Variants in SLC26A3 observed in about 807,000 individuals in gnomAD.
The protein encoded by SLC26A3 is chloride anion exchanger.
Under a neutral mutation model 85.6 loss-of-function variants are expected in SLC26A3, and 64 were observed. The ratio of observed to expected loss-of-function variants is 0.75; its 90% CI spans 0.61 to 0.92. The LOEUF is 0.92. Ranked by LOEUF, SLC26A3 falls within the 40% of genes least tolerant of loss-of-function variation. The pLI is 0.00. For synonymous variants in SLC26A3, 349 were observed against 336.0 expected (o/e 1.04, Z -0.42); for missense variants, 922 against 927.3 (o/e 0.99, Z 0.07).
chr7:107,783,471 G>A lies in SLC26A3; in HGVS notation c.972-119C>T, dbSNP rs978556919. ...TGAGTTGTGTCTCACTTTGGAGTAT[G>A]ATTAACGAGAATTTAGCTCCACTAA... On this transcript the variant is annotated intron_variant, in intron 8 of 20. Transcript: ENST00000340010. 8 of 1,202,752 alleles carry A rather than the reference G, an allele frequency of 6.7e-6. No individual in the cohort carries two copies. In the African/African-American group the frequency reaches 1.1e-4, roughly 16 times the overall value. 74.5% of individuals were successfully genotyped at this position (1,202,752 alleles called of 1,614,324 possible).
intron 5 of SLC26A3, among the ~76,000 whole-genome samples, chr7:107,790,490 C>T (rs954054033): frequency 1.3e-5 from 2 of 152,154 alleles, no homozygotes; most frequent in African/African-American, 2.4e-5. Flanking sequence ...TAAACTTAGG[C>T]AACATCTCAA....
intron 6 of SLC26A3, 121 bp downstream of exon 6, chr7:107,789,403 A>G (rs1794354309): frequency 9.9e-7 from 1 of 1,007,410 alleles, no homozygotes; most frequent in Non-Finnish European, 1.5e-6. Flanking sequence ...CTTTTTTAAT[A>G]TGAAAAAATT....
intron 11 of SLC26A3, among the ~76,000 whole-genome samples, chr7:107,780,627 T>A (rs10263826): frequency 2.4e-4 from 37 of 152,110 alleles, no homozygotes; most frequent in African/African-American, 8.9e-4. Flanking sequence ...AAAAGCCAAA[T>A]ACAGTTTTTA....
chr7:107,798,157 TACATAGACAC>T (rs1794541975), intron 1 of SLC26A3, among the ~76,000 whole-genome samples: 1 of 152,092 alleles, frequency 6.6e-6, no homozygotes, highest in Admixed American at 6.5e-5. Context: ...ATATATTACA[TACATAGACAC>T]ACACATGAAG....
chr7:107,778,236 C>T lies in SLC26A3; in HGVS notation c.1453G>A (p.Gly485Arg), dbSNP rs760086563. ...GCCACACTAGCTGCCAGGCCTAACC[C>T]GAGTCCCAGGACAATGGTGAAGATG... ...TFIFTIVLGLGLGLAASVAFQ... is the reference protein window; with the variant it reads ...TFIFTIVLGLRLGLAASVAFQ... Residue 485 changes from glycine (G) to arginine (R), a missense_variant, in exon 13 of 21, where the codon GGG becomes AGG. By Grantham distance (125) the Gly-to-Arg change is moderately radical. Transcript: ENST00000340010. 1.1e-5 allele frequency: 17 copies of T among 1,613,802 alleles called. No individual in the cohort carries two copies. Among genetic ancestry groups the T allele is most frequent in the African/African-American group, 2.7e-5 (2 of 74,884 alleles).
At chr7:107,770,038 C>CTTTCTTTCTT (rs1554377142) in intron 18 of SLC26A3, among the ~76,000 whole-genome samples, 51 of 76,398 alleles carry the variant, frequency 6.7e-4, no homozygotes, top group Non-Finnish European at 1.1e-3. Flanking sequence ...TTCTTTCTTT[C>CTTTCTTTCTT]TTTCTTTCTT....
At chr7:107,783,149 G>A (rs978671457) in intron 9 of SLC26A3, 56 bp from the exon 10 acceptor site, 59 of 1,612,810 alleles carry the variant, frequency 3.7e-5, no homozygotes, top group Non-Finnish European at 9.3e-6. Flanking sequence ...GATATTATGT[G>A]TGCAAAATAT....
intron 16 of SLC26A3, 85 bp downstream of exon 16, chr7:107,774,692 C>T: frequency 1.0e-6 from 1 of 982,500 alleles, no homozygotes; most frequent in Non-Finnish European, 1.6e-6. Flanking sequence ...TCTGGCATTT[C>T]ATTTAAAGGA....
At chr7:107,784,811 T>G (rs191166161) in intron 8 of SLC26A3, among the ~76,000 whole-genome samples, 1 of 152,322 alleles carries the variant, frequency 6.6e-6, no homozygotes. Context: ...AAACACAAAG[T>G]GCCTGTTAGC....
Position 107,773,920 on chromosome 7 carries a change from C to G in SLC26A3, c.2007G>C (p.Ser669=), listed in dbSNP as rs754283736. Residue 669 remains serine (S), a splice_region_variant and synonymous_variant, in exon 17 of 21, where the codon TCG becomes TCC. Transcript: ENST00000340010. ...TTTCCATTAAGAACAAAGAAATTAC[C>G]GATTTAAGGCCCCTCACTGAAGAAA... The part of the protein sequence containing the change: ...LDVSSVRGLK[S]ILQEFIRIKV... 6.2e-7 allele frequency: 1 copy of G among 1,607,190 alleles called. No homozygotes were observed. Among genetic ancestry groups the G allele is most frequent in the Admixed American group, 1.7e-5 (1 of 59,972 alleles).
chr7:107,773,449 AAG>A (rs1374761368), intron 17 of SLC26A3, among the ~76,000 whole-genome samples: 3 of 152,198 alleles, frequency 2.0e-5, no homozygotes, highest in African/African-American at 7.2e-5. Context: ...ATGCCCTTTC[AAG>A]AGTCCACTGA....
intron 11 of SLC26A3, among the ~76,000 whole-genome samples, chr7:107,782,064 G>T (rs1383147294): frequency 1.3e-5 from 2 of 152,008 alleles, no homozygotes; most frequent in Non-Finnish European, 2.9e-5. Context: ...TAAGTAATTT[G>T]CCCAAAATCA....
chr7:107,776,383 A>G lies in SLC26A3; in HGVS notation c.1677+69T>C, dbSNP rs900379674. ...ACAACCCAGTCTCAACAATGACCTT[A>G]CAGAACAATGACATTCCCAGAATTC... On this transcript the variant is annotated intron_variant, in intron 15 of 20. Coordinates refer to ENST00000340010, the MANE Select transcript of SLC26A3 (RefSeq NM_000111.3). 1.3e-4 allele frequency: 169 copies of G among 1,270,330 alleles called. 3 individuals are homozygous for G. In the South Asian group the frequency reaches 1.8e-3, roughly 14 times the overall value. 78.7% of individuals were successfully genotyped at this position (1,270,330 alleles called of 1,614,324 possible). A position where few individuals can be genotyped will look rare whatever the true frequency, so the allele number is the denominator to read the frequency against.
At chr7:107,775,329 A>G (rs1463690202) in intron 15 of SLC26A3, among the ~76,000 whole-genome samples, 2 of 152,070 alleles carry the variant, frequency 1.3e-5, no homozygotes, top group Non-Finnish European at 2.9e-5. Flanking sequence ...TAATTTTAGT[A>G]TTATATTTGA....
At chr7:107,784,662 C>T (rs1462114195) in intron 8 of SLC26A3, among the ~76,000 whole-genome samples, 1 of 152,168 alleles carries the variant, frequency 6.6e-6, no homozygotes, top group Non-Finnish European at 1.5e-5. Flanking sequence ...GAACTCCTGA[C>T]CACAAGTGAT....
chr7:107,797,574 C>G (rs1279352320), intron 1 of SLC26A3, among the ~76,000 whole-genome samples: 1 of 152,020 alleles, frequency 6.6e-6, no homozygotes, highest in Non-Finnish European at 1.5e-5. Context: ...TTCTGTTTTC[C>G]CCTTGCACCC....
chr7:107,790,926 T>A (rs1198709293), intron 5 of SLC26A3, 122 bp downstream of exon 5: 1 of 1,023,352 alleles, frequency 9.8e-7, no homozygotes, highest in South Asian at 1.4e-5. Context: ...CTATGGGCCA[T>A]GAGGGAGAGA....
chr7:107,800,842 T>C (rs1265983535), intron 1 of SLC26A3, among the ~76,000 whole-genome samples: 1 of 152,208 alleles, frequency 6.6e-6, no homozygotes, highest in Non-Finnish European at 1.5e-5. Context: ...GTGAGTCTTG[T>C]GTTAGACTTT....
chr7:107,783,187 T>C lies in SLC26A3; in HGVS notation c.1119+18A>G, dbSNP rs1349375834. 5.0e-6 allele frequency: 8 copies of C among 1,614,048 alleles called. No individual in the cohort carries two copies. Among genetic ancestry groups the C allele is most frequent in the African/African-American group, 1.3e-5 (1 of 74,928 alleles). ...TTTAAAGTTGCCCAGTGAGACCCAG[T>C]GTAGTTTGTTTACTTACCTGATTGC... On this transcript the variant is annotated intron_variant, in intron 9 of 20. Transcript: ENST00000340010.
Sources: gnomAD v4.1 joint callset for allele counts (sites outside exome capture counted in the v4.1 genomes callset) on GRCh38, gnomAD v4.1.1 for gene constraint, MANE v1.5 for transcripts, NCBI Gene and HGNC (gene_info 2026-07-23, HGNC 2026-07-21) for gene names.